Variants in ZNF518A observed in about 807,000 individuals in gnomAD.
ZNF518A encodes zinc finger protein 518.
A neutral mutation model predicts 102.7 loss-of-function variants in ZNF518A; 47 were observed. The ratio of observed to expected loss-of-function variants is 0.46; its 90% CI spans 0.36 to 0.58. The LOEUF (loss-of-function observed/expected upper bound fraction) is 0.58, where lower values mean the gene tolerates loss of function less well. ZNF518A is among the 20% of genes least tolerant of loss of function. The pLI, the probability that ZNF518A is intolerant of heterozygous loss-of-function variation, is 0.00. For missense variants in ZNF518A, 1,793 were observed against 1,699.8 expected (o/e 1.05, Z -0.96); for synonymous variants, 652 against 594.6 (o/e 1.10, Z -1.40).
chr10:96,159,191 G>A lies in ZNF518A; in HGVS notation c.2869G>A (p.Ala957Thr), dbSNP rs1554885621. The A allele has an allele frequency of 6.2e-7, 1 of 1,613,776 alleles. No homozygotes were observed. Among genetic ancestry groups the A allele is most frequent in the East Asian group, 2.2e-5 (1 of 44,872 alleles). The stretch of plus-strand genomic sequence containing the variant: ...TGGGCTACCAGTTATTCCTGGAAAT[G>A]CACTTCCATTGGTTAATTCACAAGG... Reference protein sequence around the residue: ...KPGLPVIPGNALPLVNSQGIP... With the variant: ...KPGLPVIPGNTLPLVNSQGIP... Residue 957 changes from alanine to threonine, a missense_variant, in exon 6 of 6, where the codon GCA (alanine) becomes ACA (threonine). Transcript: ENST00000316045.
chr10:96,147,602 C>T (rs868950799), intron 3 of ZNF518A, among the ~76,000 whole-genome samples: 9 of 152,162 alleles, frequency 5.9e-5, no homozygotes, highest in African/African-American at 1.9e-4. Flanking sequence ...GTAGAATTCT[C>T]GGTTGAAAGC....
chr10:96,136,631 G>A (rs2081610150), intron 3 of ZNF518A, among the ~76,000 whole-genome samples: 1 of 151,700 alleles, frequency 6.6e-6, no homozygotes, highest in African/African-American at 2.4e-5. Context: ...ACTAGCCAGG[G>A]CAACATAGTG....
rs587654293 is a variant in ZNF518A, at chr10:96,154,111, A to G, written c.-301-1215A>G. ...AGTAATACTATTTTCTTTTTAATCAACTCATATAATTCTTTCTACACCCAG... is the reference window on the plus strand; with the variant it reads ...AGTAATACTATTTTCTTTTTAATCAGCTCATATAATTCTTTCTACACCCAG... On this transcript the variant is annotated intron_variant, in intron 3 of 5. Transcript: ENST00000316045. 2.6e-4 allele frequency among the ~76,000 whole-genome samples: 39 copies of G among 152,248 alleles called. 2 individuals carry two copies. The South Asian group carries it at 7.9e-3, about 31-fold the overall frequency.
At chr10:96,153,771 C>T (rs782340576) in intron 3 of ZNF518A, among the ~76,000 whole-genome samples, 6 of 152,116 alleles carry the variant, frequency 3.9e-5, no homozygotes, top group African/African-American at 9.7e-5. Context: ...TCGAGTAGCA[C>T]AGAAGAGGTG....
intron 1 of ZNF518A, among the ~76,000 whole-genome samples, chr10:96,187,980 C>T (rs1324370595): frequency 6.6e-6 from 1 of 152,192 alleles, no homozygotes; most frequent in Non-Finnish European, 1.5e-5. Flanking sequence ...TGAGTAGTAG[C>T]TGAAATTACA....
Position 96,158,470 on chromosome 10 carries a change from T to G in ZNF518A, c.2148T>G (p.Ile716Met), listed in dbSNP as rs782156852. Reference protein sequence around the residue: ...KDGTLKAKSEIEEQYVLEKGQ... With the variant: ...KDGTLKAKSEMEEQYVLEKGQ... The stretch of plus-strand genomic sequence containing the variant: ...GAACTTTAAAAGCAAAATCTGAAAT[T>G]GAAGAACAGTATGTTTTAGAAAAAG... The change falls in exon 6 of 6, where the codon ATT (isoleucine) becomes ATG (methionine). Residue 716 changes from isoleucine (I) to methionine (M), a missense_variant. This residue lies in a region of ZNF518A where 1,741 missense variants were observed against 1,622.6 expected (regional missense o/e 1.07). Coordinates refer to ENST00000316045, the MANE Select transcript of ZNF518A (RefSeq NM_001330736.2). 1.3e-5 allele frequency: 21 copies of G among 1,612,454 alleles called. No homozygotes were observed. Among genetic ancestry groups the G allele is most frequent in the Non-Finnish European group, 1.8e-5 (21 of 1,179,546 alleles).
downstream of ZNF518A, among the ~76,000 whole-genome samples, chr10:96,165,668 A>G (rs902559506): frequency 1.4e-4 from 22 of 152,078 alleles, no homozygotes; most frequent in African/African-American, 5.3e-4. Context: ...TTGGGCATTC[A>G]CTGAAGAGCT....
At chr10:96,169,454 C>G (rs1272668160) in intron 1 of ZNF518A, among the ~76,000 whole-genome samples, 1 of 152,050 alleles carries the variant, frequency 6.6e-6, no homozygotes, top group Non-Finnish European at 1.5e-5. Flanking sequence ...CTGTTGAGCC[C>G]CTTTATTGAA....
At chr10:96,151,436 CTCTG>C (rs1301227731) in intron 3 of ZNF518A, 3 of 152,288 alleles carry the variant, frequency 2.0e-5, no homozygotes, top group Non-Finnish European at 2.9e-5. Flanking sequence ...CAATCCCCTA[CTCTG>C]TCTGGCCTCT....
At chr10:96,194,564 A>G (rs2083410591) in intron 1 of ZNF518A, among the ~76,000 whole-genome samples, 1 of 152,194 alleles carries the variant, frequency 6.6e-6, no homozygotes, top group South Asian at 2.1e-4. Context: ...AAGGTAACCT[A>G]TGGAGTGGGA....
In ZNF518A at chr10:96,156,195, A is replaced by T; in HGVS notation, c.-126-2A>T. On this transcript the variant is annotated splice_acceptor_variant, in intron 5 of 5. Coordinates refer to ENST00000316045, the MANE Select transcript of ZNF518A (RefSeq NM_001330736.2). LOFTEE classifies it low-confidence loss of function (5UTR_SPLICE). ...GAATTTCAATTCTTTGTTTAATTTT[A>T]GGTGAGTTATTGTGGGAAAAATCCT... The T allele has an allele frequency of 3.9e-6, 3 of 770,138 alleles. No individual in the cohort carries two copies. Among genetic ancestry groups the T allele is most frequent in the Non-Finnish European group, 5.6e-6 (3 of 534,402 alleles). The allele number at this position is 770,138 out of a possible 1,614,324, so 47.7% of individuals were successfully genotyped here.
At position 96,159,269 on chromosome 10, in the gene ZNF518A, AAT is replaced by A. The variant is rs782723546; in HGVS notation, c.2949_2950del (p.Asn983LysfsTer5). The A allele has an allele frequency of 6.2e-7, 1 of 1,613,508 alleles. No homozygotes were observed. Among genetic ancestry groups the A allele is most frequent in the East Asian group, 2.2e-5 (1 of 44,880 alleles). Reference protein sequence around the residue: ...NKKPGMVLTLNNGKLEGVSAV... With the variant: ...NKKPGMVLTLXNGKLEGVSAV... ...GAAACCTGGGATGGTTTTAACACTTAATAATGGGAAACTTGAAGGTGTTTCCG... is the reference window on the plus strand; with the variant it reads ...GAAACCTGGGATGGTTTTAACACTTAAATGGGAAACTTGAAGGTGTTTCCG... On this transcript the variant is annotated frameshift_variant, in exon 6 of 6. Transcript: ENST00000316045. LOFTEE classifies it high-confidence loss of function.
chr10:96,190,086 T>A, intron 1 of ZNF518A: 1 of 886,462 alleles, frequency 1.1e-6, no homozygotes, highest in Non-Finnish European at 1.9e-6. Flanking sequence ...AACTGACCGT[T>A]CTTAAGGATA....
At chr10:96,134,267 G>A (rs1442310696) in intron 3 of ZNF518A, among the ~76,000 whole-genome samples, 1 of 152,168 alleles carries the variant, frequency 6.6e-6, no homozygotes, top group African/African-American at 2.4e-5. Context: ...GTCTCACTCT[G>A]CCACCCAGGC....
intron 1 of ZNF518A, among the ~76,000 whole-genome samples, chr10:96,203,145 A>G (rs2083693871): frequency 6.6e-6 from 1 of 152,242 alleles, no homozygotes. Context: ...CTGTGCCTAG[A>G]ACAATGCCTG....
At chr10:96,191,254 T>TTA (rs1554893321) in intron 1 of ZNF518A, among the ~76,000 whole-genome samples, 3 of 147,916 alleles carry the variant, frequency 2.0e-5, no homozygotes, top group Non-Finnish European at 4.5e-5. Flanking sequence ...TTTTTTTTTT[T>TTA]ATGTAAATCA....
At chr10:96,164,197 A>G (rs587675277), downstream of ZNF518A, among the ~76,000 whole-genome samples, 2 of 152,364 alleles carry the variant, frequency 1.3e-5, no homozygotes, top group South Asian at 4.1e-4. Flanking sequence ...GGTGAATTAA[A>G]AACAGAATAT....
chr10:96,148,997 G>A (rs1356539601), intron 3 of ZNF518A, among the ~76,000 whole-genome samples: 2 of 152,098 alleles, frequency 1.3e-5, no homozygotes, highest in Middle Eastern at 3.2e-3. Context: ...TTACAGGCGT[G>A]AGCCACCGTG....
downstream of ZNF518A, among the ~76,000 whole-genome samples, chr10:96,164,252 G>A (rs1288350324): frequency 6.6e-6 from 1 of 152,172 alleles, no homozygotes; most frequent in Non-Finnish European, 1.5e-5. Flanking sequence ...TTAAAAATAA[G>A]ATTCCTTTTC....
Sources: allele counts gnomAD v4.1 joint callset (sites outside exome capture counted in the v4.1 genomes callset), GRCh38; gene constraint gnomAD v4.1.1; regional missense constraint gnomAD v4.1.1; transcripts MANE v1.5; gene names NCBI Gene and HGNC (gene_info 2026-07-23, HGNC 2026-07-21).